Variants in RO60 observed in about 807,000 individuals in gnomAD.
RO60 encodes Ro60, Y RNA binding protein, also known as RNA-binding protein RO60.
RO60 carries 20 observed loss-of-function variants against 55.3 expected under a neutral mutation model. The ratio of observed to expected loss-of-function variants is 0.36; its 90% CI spans 0.25 to 0.53. The LOEUF (loss-of-function observed/expected upper bound fraction) is 0.53. RO60 is among the 20% of genes least tolerant of loss of function. The pLI is 0.92. For synonymous variants in RO60, 213 were observed against 213.6 expected, an observed-to-expected ratio of 1.00 and a Z score of 0.02; for missense variants, 558 against 646.6, an observed-to-expected ratio of 0.86 and a Z score of 1.49.
chr1:193,059,868 T>A lies in RO60; in HGVS notation c.-22+92T>A. On this transcript the variant is annotated intron_variant, in intron 1 of 8. Coordinates refer to ENST00000400968, the MANE Select transcript of RO60 (RefSeq NM_001173524.2). This position sits in a 1 kb window ranked among gnomAD's most constrained non-coding sequence, Gnocchi z 4.9. The stretch of plus-strand genomic sequence containing the variant: ...CAGTCCTCCATGTCTCTCACCCGCA[T>A]CCCAGGGGTTGAGGCTGGGCAAACG... The A allele has an allele frequency of 1.5e-6, 2 of 1,364,618 alleles. No homozygotes were observed. Among genetic ancestry groups the A allele is most frequent in the Non-Finnish European group, 2.0e-6 (2 of 1,021,058 alleles). The allele number at this position is 1,364,618 out of a possible 1,614,324, so 84.5% of individuals were successfully genotyped here. A position where few individuals can be genotyped will look rare whatever the true frequency, so the allele number is the denominator to read the frequency against.
intron 5 of RO60, among the ~76,000 whole-genome samples, chr1:193,080,837 T>C (rs2103068009): frequency 6.6e-6 from 1 of 152,240 alleles, no homozygotes; most frequent in African/African-American, 2.4e-5. Flanking sequence ...GAAAGTGGAA[T>C]AGAAGTTGCC....
intron 1 of RO60, among the ~76,000 whole-genome samples, chr1:193,062,789 G>A (rs1296473620): frequency 1.3e-5 from 2 of 152,148 alleles, no homozygotes; most frequent in Non-Finnish European, 2.9e-5. Flanking sequence ...TACAATATGT[G>A]GCCTTTTGTG....
intron 5 of RO60, among the ~76,000 whole-genome samples, chr1:193,078,543 A>G (rs761012613): frequency 2.0e-5 from 3 of 152,236 alleles, no homozygotes; most frequent in Admixed American, 6.5e-5. Context: ...GTTACAGGGT[A>G]TAAAACCAAC....
chr1:193,087,655 A>G lies in RO60; in HGVS notation c.*2924A>G, dbSNP rs1031160414. ...TGATTATTTTTATCCTTAAAAAGTA[A>G]CATATCTGTGCTTGGATCATAGAAG... On this transcript the variant is annotated 3_prime_UTR_variant, in exon 9 of 9. Transcript: ENST00000400968. 6.6e-6 allele frequency: 1 copy of G among 152,188 alleles called. No individual in the cohort carries two copies. The highest frequency in any genetic ancestry group is 1.5e-5 in the Non-Finnish European group (1 of 68,012). 9.4% of individuals were successfully genotyped at this position (152,188 alleles called of 1,614,324 possible). A position where few individuals can be genotyped will look rare whatever the true frequency, so the allele number is the denominator to read the frequency against.
Position 193,087,902 on chromosome 1 carries a change from A to C in RO60, c.*3171A>C, listed in dbSNP as rs1472444319. The C allele has an allele frequency of 6.6e-6, 1 of 152,176 alleles. No homozygotes were observed. The highest frequency in any genetic ancestry group is 1.9e-4 in the East Asian group (1 of 5,200). 9.4% of individuals were successfully genotyped at this position (152,176 alleles called of 1,614,324 possible). On this transcript the variant is annotated 3_prime_UTR_variant, in exon 9 of 9. Transcript: ENST00000400968. ...TTTAGAAGAAAAATTTTCACAGCTA[A>C]AGTATTACCCAAAAAGTCACTATTC...
chr1:193,066,855 C>G (rs565232768), intron 1 of RO60, among the ~76,000 whole-genome samples: 2 of 152,240 alleles, frequency 1.3e-5, no homozygotes, highest in East Asian at 1.9e-4. Context: ...AAAGACAGAT[C>G]GAGATTTCAG....
In RO60 at chr1:193,059,852, A is replaced by C. The variant is rs1255272862; in HGVS notation, c.-22+76A>C. On this transcript the variant is annotated intron_variant, in intron 1 of 8. Coordinates refer to ENST00000400968, the MANE Select transcript of RO60 (RefSeq NM_001173524.2). The surrounding 1 kb of genome is among the most constrained non-coding windows in gnomAD (Gnocchi z 4.9). ...ACGCGCAAATTCTGACCAGTCCTCC[A>C]TGTCTCTCACCCGCATCCCAGGGGT... 1 of 1,363,012 alleles carries C rather than the reference A, an allele frequency of 7.3e-7. No individual in the cohort carries two copies. The highest frequency in any genetic ancestry group is 9.8e-7 in the Non-Finnish European group (1 of 1,020,410). The allele number at this position is 1,363,012 out of a possible 1,614,324, so 84.4% of individuals were successfully genotyped here.
chr1:193,062,094 T>G (rs540341155), intron 1 of RO60, among the ~76,000 whole-genome samples: 1 of 152,304 alleles, frequency 6.6e-6, no homozygotes, highest in South Asian at 2.1e-4. Context: ...TATGGTGTGT[T>G]TTAAGAGCAC....
At chr1:193,061,476 T>C (rs980769494) in intron 1 of RO60, among the ~76,000 whole-genome samples, 1 of 152,200 alleles carries the variant, frequency 6.6e-6, no homozygotes, top group African/African-American at 2.4e-5. Flanking sequence ...CTTTGGAAGA[T>C]ATTGAGATGT....
chr1:193,066,916 C>T (rs1673147608), intron 1 of RO60, among the ~76,000 whole-genome samples: 1 of 152,130 alleles, frequency 6.6e-6, no homozygotes, highest in South Asian at 2.1e-4. Flanking sequence ...TTTTAGTTTG[C>T]CTTCTCTGCT....
At chr1:193,082,529 T>G (rs1342206760) in intron 7 of RO60, 33 bp from the exon 8 acceptor site, 1 of 1,608,388 alleles carries the variant, frequency 6.2e-7, no homozygotes, top group Non-Finnish European at 8.5e-7. Flanking sequence ...AGGATTTATT[T>G]ACTTATTTAT....
intron 5 of RO60, among the ~76,000 whole-genome samples, chr1:193,077,586 GA>G (rs1190471413): frequency 1.3e-5 from 2 of 152,142 alleles, no homozygotes; most frequent in Non-Finnish European, 2.9e-5. Flanking sequence ...CAGTATAGGG[GA>G]AATCGCCCCC....
In RO60 at chr1:193,059,943, G is replaced by GGTGGAC. The variant is rs1672350803; in HGVS notation, c.-22+168_-22+169insTGGACG. ...TCCCGCTTCCGCGCCTGTCCACCCT[G>GGTGGAC]GGTAACGGAACCAGCATCGCGGTAG... On this transcript the variant is annotated intron_variant, in intron 1 of 8. Transcript: ENST00000400968. This position sits in a 1 kb window ranked among gnomAD's most constrained non-coding sequence, Gnocchi z 4.9. The GGTGGAC allele has an allele frequency of 7.3e-7, 1 of 1,366,280 alleles. No homozygotes were observed. The highest frequency in any genetic ancestry group is 1.9e-5 in the Admixed American group (1 of 52,534). The allele number at this position is 1,366,280 out of a possible 1,614,324, so 84.6% of individuals were successfully genotyped here.
chr1:193,070,972 C>T (rs1673450006), intron 2 of RO60, among the ~76,000 whole-genome samples: 1 of 152,170 alleles, frequency 6.6e-6, no homozygotes, highest in South Asian at 2.1e-4. Flanking sequence ...TGCATATCAG[C>T]AGTCCACAAC....
In RO60 at chr1:193,069,375, A is replaced by C; in HGVS notation, c.321A>C (p.Thr107=). ...AICSQCSDIS[T]KQAAFKAVSE... ...GTTCCCAGTGCTCCGACATAAGCAC[A>C]AAACAAGCAGCATTTAAAGCTGTTT... Residue 107 remains threonine (T), a synonymous_variant, in exon 2 of 9, where the codon ACA becomes ACC. Transcript: ENST00000400968. The C allele has an allele frequency of 6.2e-7, 1 of 1,614,192 alleles. No homozygotes were observed. Among genetic ancestry groups the C allele is most frequent in the Non-Finnish European group, 8.5e-7 (1 of 1,179,986 alleles).
In RO60 at chr1:193,085,169, CTG is replaced by C. The variant is rs1674569056; in HGVS notation, c.*441_*442del. ...CTCTGAAATGCACTAGACCATATAACTGTGATGAAATATGAAACTCATCTGTA... is the reference window on the plus strand; with the variant it reads ...CTCTGAAATGCACTAGACCATATAACTGATGAAATATGAAACTCATCTGTA... On this transcript the variant is annotated 3_prime_UTR_variant, in exon 9 of 9. Transcript: ENST00000400968. The C allele has an allele frequency of 5.6e-6, 7 of 1,245,280 alleles. No individual in the cohort carries two copies. In the South Asian group the frequency reaches 1.7e-4, roughly 30 times the overall value. 77.1% of individuals were successfully genotyped at this position (1,245,280 alleles called of 1,614,324 possible). A position where few individuals can be genotyped will look rare whatever the true frequency, so the allele number is the denominator to read the frequency against.
chr1:193,059,698 T>G lies in RO60; in HGVS notation c.-100T>G. The G allele has an allele frequency of 7.4e-7, 1 of 1,357,768 alleles. No individual in the cohort carries two copies. The highest frequency in any genetic ancestry group is 9.8e-7 in the Non-Finnish European group (1 of 1,019,064). The allele number at this position is 1,357,768 out of a possible 1,614,324, so 84.1% of individuals were successfully genotyped here. On this transcript the variant is annotated 5_prime_UTR_variant, in exon 1 of 9. Coordinates refer to ENST00000400968, the MANE Select transcript of RO60 (RefSeq NM_001173524.2). The surrounding 1 kb of genome is among the most constrained non-coding windows in gnomAD (Gnocchi z 4.9). The stretch of plus-strand genomic sequence containing the variant: ...GGCTGTCGCTGCCCGTCAGGCTGCC[T>G]TCTTTTGTCGTTTCCCAGCGCTGCG...
intron 2 of RO60, among the ~76,000 whole-genome samples, chr1:193,074,065 A>G (rs535952349): frequency 1.3e-5 from 2 of 151,956 alleles, no homozygotes; most frequent in Non-Finnish European, 2.9e-5. Flanking sequence ...AAGGACATGA[A>G]CTCATCCTTT....
chr1:193,086,521 G>A lies in RO60; in HGVS notation c.*1790G>A, dbSNP rs764021805. On this transcript the variant is annotated 3_prime_UTR_variant, in exon 9 of 9. Transcript: ENST00000400968. ...CACATTAAAATATTACGTTCAGATT[G>A]AATTTAAAGTTTAAAGAAACTAATA... is the stretch of plus-strand genomic sequence containing the variant. The A allele has an allele frequency of 5.9e-5, 9 of 151,970 alleles. No individual in the cohort carries two copies. Among genetic ancestry groups the A allele is most frequent in the Non-Finnish European group, 1.2e-4 (8 of 67,974 alleles). The allele number at this position is 151,970 out of a possible 1,614,324, so 9.4% of individuals were successfully genotyped here. A position where few individuals can be genotyped will look rare whatever the true frequency, so the allele number is the denominator to read the frequency against.
Sources: gnomAD v4.1 joint callset for allele counts (sites outside exome capture counted in the v4.1 genomes callset) on GRCh38, gnomAD v4.1.1 for gene constraint, Gnocchi (gnomAD v3.1) non-coding constraint, MANE v1.5 for transcripts, NCBI Gene and HGNC (gene_info 2026-07-23, HGNC 2026-07-21) for gene names.